Variants in DNM3 observed in about 807,000 individuals in gnomAD.
DNM3 encodes the protein dynamin 3, also known as dynamin-3.
A neutral mutation model predicts 101.6 loss-of-function variants in DNM3; 47 were observed. The ratio of observed to expected loss-of-function variants is 0.46; its 90% CI spans 0.37 to 0.59. The LOEUF (loss-of-function observed/expected upper bound fraction) is 0.59. DNM3 is among the 20% of genes least tolerant of loss of function. DNM3 has a pLI of 0.00. For missense variants in DNM3, 849 were observed against 1,085.7 expected (o/e 0.78, Z 3.06); for synonymous variants, 385 against 387.9 (o/e 0.99, Z 0.09).
intron 17 of DNM3, among the ~76,000 whole-genome samples, chr1:172,332,876 T>G (rs1416407785): frequency 6.6e-6 from 1 of 152,232 alleles, no homozygotes; most frequent in Non-Finnish European, 1.5e-5. Flanking sequence ...ACTATCCAAA[T>G]GGCGACATCT....
At chr1:171,981,377 G>A (rs1333783013) in intron 2 of DNM3, among the ~76,000 whole-genome samples, 1 of 152,122 alleles carries the variant, frequency 6.6e-6, no homozygotes, top group Non-Finnish European at 1.5e-5. Flanking sequence ...TTTTCCTAGT[G>A]CTCTATAATA....
At chr1:172,212,453 C>T (rs1331029839) in intron 14 of DNM3, among the ~76,000 whole-genome samples, 2 of 152,122 alleles carry the variant, frequency 1.3e-5, no homozygotes, top group African/African-American at 2.4e-5. Context: ...TTTCATATGA[C>T]GGAAAATAGC....
intron 2 of DNM3, among the ~76,000 whole-genome samples, chr1:171,961,450 G>C (rs2043204256): frequency 6.6e-6 from 1 of 152,122 alleles, no homozygotes; most frequent in African/African-American, 2.4e-5. Flanking sequence ...AAAATAATAA[G>C]TGCTGATGAG....
intron 14 of DNM3, among the ~76,000 whole-genome samples, chr1:172,198,609 C>T (rs1035421157): frequency 6.6e-5 from 10 of 151,908 alleles, no homozygotes; most frequent in Admixed American, 4.6e-4. Flanking sequence ...TTGGTCTGTT[C>T]GGAGAATCGA....
intron 1 of DNM3, among the ~76,000 whole-genome samples, chr1:171,912,918 C>T (rs776869430): frequency 2.6e-5 from 4 of 152,192 alleles, no homozygotes; most frequent in Admixed American, 2.0e-4. Context: ...AAAATATAAT[C>T]TGTGATTTGG....
intron 20 of DNM3, chr1:172,393,161 C>G (rs1020434372): frequency 2.0e-5 from 3 of 152,220 alleles, no homozygotes; most frequent in Admixed American, 6.5e-5. Flanking sequence ...ATTAATCCTT[C>G]TACATAGGCA....
rs569325374 is a variant in DNM3, at chr1:172,079,289, C to T, written c.1423-2543C>T. On this transcript the variant is annotated intron_variant, in intron 11 of 20. Coordinates refer to ENST00000627582, the MANE Select transcript of DNM3 (RefSeq NM_015569.5). ...ATAAGTTTGGTCTTTTCACATAGTC[C>T]CATATTTCTTGGAGGCTTTGTTCTT... Among the ~76,000 whole-genome samples, 128 of 152,152 alleles carry T rather than the reference C, an allele frequency of 8.4e-4. 3 individuals are homozygous for T. In the South Asian group the frequency reaches 0.026, roughly 31 times the overall value.
intron 1 of DNM3, among the ~76,000 whole-genome samples, chr1:171,881,681 T>C (rs1178613017): frequency 6.6e-6 from 1 of 152,160 alleles, no homozygotes; most frequent in African/African-American, 2.4e-5. Flanking sequence ...CGGTACAGTA[T>C]AGATATGCAA....
chr1:172,213,720 C>A (rs546900242), intron 14 of DNM3, among the ~76,000 whole-genome samples: 3 of 151,024 alleles, frequency 2.0e-5, no homozygotes, highest in African/African-American at 7.3e-5. Context: ...TCCCAGCTAT[C>A]GGGAGGCTGA....
intron 4 of DNM3, among the ~76,000 whole-genome samples, chr1:172,019,185 C>T (rs1278584620): frequency 2.8e-5 from 4 of 143,268 alleles, no homozygotes; most frequent in African/African-American, 1.0e-4. Context: ...TTTATCCTTC[C>T]TTCCTTCCTT....
intron 15 of DNM3, among the ~76,000 whole-genome samples, chr1:172,280,213 A>G (rs919981737): frequency 2.6e-5 from 4 of 151,656 alleles, no homozygotes; most frequent in African/African-American, 9.7e-5. Flanking sequence ...AAATGCCACC[A>G]CCTCATTTTC....
At chr1:172,295,026 A>G (rs2064099541) in intron 15 of DNM3, among the ~76,000 whole-genome samples, 1 of 152,184 alleles carries the variant, frequency 6.6e-6, no homozygotes. Flanking sequence ...ATCCTCAAAG[A>G]CACAGAAAAG....
downstream of DNM3, among the ~76,000 whole-genome samples, chr1:172,414,976 G>A (rs544814662): frequency 7.8e-4 from 118 of 151,990 alleles, no homozygotes; most frequent in Admixed American, 1.6e-3. Context: ...TCCAGCTACC[G>A]GAGAGGCTGA....
Position 172,410,589 on chromosome 1 carries a change from AT to A in DNM3, c.*2750del. On this transcript the variant is annotated 3_prime_UTR_variant, in exon 21 of 21. Coordinates refer to ENST00000627582, the MANE Select transcript of DNM3 (RefSeq NM_015569.5). ...ATTATGGACAGCTTATTGAAATAGT[AT>A]TGATTTAGAAAAAGTATATTGCATT... 1 of 984,880 alleles carries A rather than the reference AT, an allele frequency of 1.0e-6. No homozygotes were observed. 61.0% of individuals were successfully genotyped at this position (984,880 alleles called of 1,614,324 possible).
chr1:171,865,701 G>T (rs1216568111), intron 1 of DNM3, among the ~76,000 whole-genome samples: 2 of 152,070 alleles, frequency 1.3e-5, no homozygotes. Flanking sequence ...AGACAGTTTT[G>T]TTATCTTCGA....
intron 11 of DNM3, among the ~76,000 whole-genome samples, chr1:172,076,639 A>T (rs1572400625): frequency 6.6e-6 from 1 of 152,070 alleles, no homozygotes; most frequent in African/African-American, 2.4e-5. Flanking sequence ...CATATGTTGA[A>T]CCTGCCTTGA....
At chr1:172,183,767 ATTTTTTTTTTTTTTTT>A (rs376245976) in intron 14 of DNM3, among the ~76,000 whole-genome samples, 1 of 62,656 alleles carries the variant, frequency 1.6e-5, no homozygotes, top group South Asian at 7.1e-4. Context: ...TGCCCAGCTA[ATTTTTTTTTTTTTTTT>A]TTTTTTTTTT....
intron 4 of DNM3, among the ~76,000 whole-genome samples, chr1:172,011,514 C>T (rs906038211): frequency 6.6e-6 from 1 of 151,926 alleles, no homozygotes; most frequent in Non-Finnish European, 1.5e-5. Context: ...TTCCTCCTTG[C>T]CTTGTGGCCC....
At chr1:172,101,323 C>A (rs2054624225) in intron 13 of DNM3, among the ~76,000 whole-genome samples, 1 of 151,944 alleles carries the variant, frequency 6.6e-6, no homozygotes, top group South Asian at 2.1e-4. Context: ...CATGACTTTC[C>A]CCTTCTCTCC....
Sources: gnomAD v4.1 joint callset for allele counts (sites outside exome capture counted in the v4.1 genomes callset) on GRCh38, gnomAD v4.1.1 for gene constraint, MANE v1.5 for transcripts, NCBI Gene and HGNC (gene_info 2026-07-23, HGNC 2026-07-21) for gene names.